The following TBC1D30 variants were observed in gnomAD, a reference collection of about 807,000 sequenced individuals.
TBC1D30 encodes TBC1 domain family member 30.
A neutral mutation model predicts 63.2 loss-of-function variants in TBC1D30; 31 were observed. That is an observed-to-expected ratio of 0.49 (90% confidence interval 0.37 to 0.66). TBC1D30 has a LOEUF of 0.66. TBC1D30 is among the 30% of genes least tolerant of loss of function. The pLI, the probability that TBC1D30 is intolerant of heterozygous loss-of-function variation, is 0.00. For missense variants in TBC1D30, 810 were observed against 953.6 expected, an observed-to-expected ratio of 0.85 and a Z score of 1.98; for synonymous variants, 307 against 361.5, an observed-to-expected ratio of 0.85 and a Z score of 1.71.
At chr12:64,806,686 A>G (rs192381423) in intron 2 of TBC1D30, among the ~76,000 whole-genome samples, 11 of 152,324 alleles carry the variant, frequency 7.2e-5, no homozygotes, top group African/African-American at 2.4e-4. Flanking sequence ...TGTATACTGA[A>G]AAGAATTGGG....
intron 2 of TBC1D30, among the ~76,000 whole-genome samples, chr12:64,811,528 C>T (rs1415950054): frequency 6.6e-6 from 1 of 152,218 alleles, no homozygotes; most frequent in Non-Finnish European, 1.5e-5. Flanking sequence ...TCAGATTTCT[C>T]CCGGATGAGT....
chr12:64,838,905 T>A (rs1017773568), intron 7 of TBC1D30, 54 bp downstream of exon 7: 114 of 1,477,746 alleles, frequency 7.7e-5, no homozygotes, highest in Non-Finnish European at 1.0e-4. Flanking sequence ...CCTTAAGCAG[T>A]TTTTGTGCTC....
chr12:64,782,909 A>C (rs1432276541), intron 1 of TBC1D30, among the ~76,000 whole-genome samples: 1 of 152,218 alleles, frequency 6.6e-6, no homozygotes, highest in Non-Finnish European at 1.5e-5. Flanking sequence ...GTGTGCACAC[A>C]TACACACACT....
chr12:64,795,471 G>T (rs1872196421), intron 2 of TBC1D30, among the ~76,000 whole-genome samples: 1 of 152,164 alleles, frequency 6.6e-6, no homozygotes, highest in Admixed American at 6.5e-5. Flanking sequence ...CCAACCTTAT[G>T]AAGAGAGGAA....
intron 2 of TBC1D30, among the ~76,000 whole-genome samples, chr12:64,809,283 T>C (rs1041451232): frequency 2.7e-5 from 4 of 146,800 alleles, no homozygotes; most frequent in African/African-American, 7.4e-5. Flanking sequence ...CCAAAGTCCA[T>C]TATATCATTC....
At position 64,867,483 on chromosome 12, in the gene TBC1D30, A is replaced by T. The variant is rs1156320993; in HGVS notation, c.1291+580A>T. Among the ~76,000 whole-genome samples, 4 of 152,034 alleles carry T rather than the reference A, an allele frequency of 2.6e-5. No homozygotes were observed. In the South Asian group the frequency reaches 6.2e-4, roughly 24 times the overall value. On this transcript the variant is annotated intron_variant, in intron 10 of 11. Coordinates refer to ENST00000539867, the MANE Select transcript of TBC1D30 (RefSeq NM_015279.2). ...TCAAAAAAAAAAAAAAATTGTTACTAAAAGTATCTTCTCTGTTACTTTATC... is the reference window on the plus strand; with the variant it reads ...TCAAAAAAAAAAAAAAATTGTTACTTAAAGTATCTTCTCTGTTACTTTATC...
chr12:64,868,637 C>T, intron 10 of TBC1D30: 1 of 325,970 alleles, frequency 3.1e-6, no homozygotes, highest in South Asian at 3.4e-5. Context: ...AATTCCTTTG[C>T]TTTTTCTTAA....
At chr12:64,824,592 G>GCGCT (rs58764736), upstream of TBC1D30, 223 of 323,188 alleles carry the variant, frequency 6.9e-4, 1 homozygote, top group African/African-American at 3.2e-3. Flanking sequence ...CGTCTCCCAC[G>GCGCT]CGCTCGCTCG....
chr12:64,792,915 T>G (rs1053264002), intron 2 of TBC1D30, among the ~76,000 whole-genome samples: 4 of 151,592 alleles, frequency 2.6e-5, no homozygotes, highest in African/African-American at 9.7e-5. Context: ...GGGGAGAGGC[T>G]TGCTTTTTGT....
At chr12:64,824,045 T>C (rs1728718446), upstream of TBC1D30, among the ~76,000 whole-genome samples, 1 of 149,116 alleles carries the variant, frequency 6.7e-6, no homozygotes, top group Non-Finnish European at 1.5e-5. Context: ...AAATAGTCTA[T>C]TGGTGAATAT....
At chr12:64,781,624 G>A (rs1871294617) in intron 1 of TBC1D30, among the ~76,000 whole-genome samples, 1 of 151,956 alleles carries the variant, frequency 6.6e-6, no homozygotes, top group Admixed American at 6.6e-5. Flanking sequence ...TGGAGGTTCT[G>A]ATACGTATAC....
intron 2 of TBC1D30, among the ~76,000 whole-genome samples, chr12:64,790,552 GA>G (rs997555899): frequency 1.3e-4 from 19 of 151,636 alleles, no homozygotes; most frequent in African/African-American, 3.1e-4. Flanking sequence ...CTTGAAAACT[GA>G]AAAAAAACAT....
intron 8 of TBC1D30, among the ~76,000 whole-genome samples, chr12:64,860,127 C>T (rs1175714498): frequency 1.3e-5 from 2 of 151,928 alleles, no homozygotes. Context: ...AAGCGATTCT[C>T]CCACCTCAGC....
chr12:64,760,650 C>G (rs1362696373), intron 1 of TBC1D30, among the ~76,000 whole-genome samples: 1 of 151,970 alleles, frequency 6.6e-6, no homozygotes, highest in South Asian at 2.1e-4. Context: ...TACCTCCTTG[C>G]TGGTAAAAGT....
chr12:64,831,142 T>G (rs1344096105), intron 4 of TBC1D30, among the ~76,000 whole-genome samples: 1 of 152,222 alleles, frequency 6.6e-6, no homozygotes, highest in East Asian at 1.9e-4. Flanking sequence ...AGCTGGGGTT[T>G]TAAAAGGAAA....
upstream of TBC1D30, among the ~76,000 whole-genome samples, chr12:64,823,616 C>G (rs543175562): frequency 2.0e-5 from 3 of 152,050 alleles, no homozygotes; most frequent in Admixed American, 1.3e-4. Context: ...TGTGAGCCAC[C>G]GTGCCCAGAC....
chr12:64,809,414 G>T (rs1174591388), intron 2 of TBC1D30, among the ~76,000 whole-genome samples: 1 of 152,172 alleles, frequency 6.6e-6, no homozygotes, highest in African/African-American at 2.4e-5. Context: ...CCAGGTTGCT[G>T]CAAATGCCAT....
At position 64,838,671 on chromosome 12, in the gene TBC1D30, G is replaced by T. The variant is rs953431820; in HGVS notation, c.764-12G>T. 21 of 1,536,238 alleles carry T rather than the reference G, an allele frequency of 1.4e-5. No individual in the cohort carries two copies. In the African/African-American group the frequency reaches 2.3e-4, roughly 17 times the overall value. On this transcript the variant is annotated splice_polypyrimidine_tract_variant and intron_variant, in intron 6 of 11. Coordinates refer to ENST00000539867, the MANE Select transcript of TBC1D30 (RefSeq NM_015279.2). ...AGTTCTGAAGGAATTGAATGTGTTT[G>T]TTTTATTTCAGGTGGATATGAGCCC...
At chr12:64,771,371 G>C (rs190875917) in intron 1 of TBC1D30, among the ~76,000 whole-genome samples, 451 of 152,100 alleles carry the variant, frequency 3.0e-3, no homozygotes, top group African/African-American at 0.01. Flanking sequence ...TCTTATCCAC[G>C]AGGCACCAAA....
Sources: gnomAD v4.1 joint callset for allele counts (sites outside exome capture counted in the v4.1 genomes callset) on GRCh38, gnomAD v4.1.1 for gene constraint, MANE v1.5 for transcripts, NCBI Gene and HGNC (gene_info 2026-07-23, HGNC 2026-07-21) for gene names.